Variants in DYNC2H1 observed in about 807,000 individuals in gnomAD.
The protein encoded by DYNC2H1 is cytoplasmic dynein 2 heavy chain 1.
DYNC2H1 carries 410 observed loss-of-function variants against 570.0 expected under a neutral mutation model. The observed-to-expected ratio is 0.72, with a 90% CI of 0.66 to 0.78. The LOEUF is 0.78. Ranked by LOEUF, DYNC2H1 falls within the 30% of genes least tolerant of loss-of-function variation. The pLI, the probability that DYNC2H1 is intolerant of heterozygous loss-of-function variation, is 0.00. For synonymous variants in DYNC2H1, 1,688 were observed against 1,677.6 expected (o/e 1.01, Z -0.15); for missense variants, 4,865 against 5,046.4 (o/e 0.96, Z 1.09).
chr11:103,286,918 A>G (rs1365156941), intron 74 of DYNC2H1, among the ~76,000 whole-genome samples: 1 of 152,182 alleles, frequency 6.6e-6, no homozygotes, highest in Non-Finnish European at 1.5e-5. Context: ...TATACAGTGA[A>G]TTCTATTTCC....
intron 75 of DYNC2H1, among the ~76,000 whole-genome samples, chr11:103,288,684 T>TAAAAAAAAAAAAAA (rs57040929): frequency 1.4e-4 from 4 of 27,914 alleles, no homozygotes; most frequent in African/African-American, 4.8e-4. Context: ...CCGTCTCTAC[T>TAAAAAAAAAAAAAA]AAAAAAAAAA....
rs1866964641 is a variant in DYNC2H1 at position 103,299,561 on chromosome 11, C to A, written c.11096-3532C>A. Among the ~76,000 whole-genome samples, 1 of 152,088 alleles carries A rather than the reference C, an allele frequency of 6.6e-6. No homozygotes were observed. The highest frequency in any genetic ancestry group is 1.5e-5 in the Non-Finnish European group (1 of 67,988). On this transcript the variant is annotated intron_variant, in intron 75 of 88. Coordinates refer to ENST00000375735, the MANE Select transcript of DYNC2H1 (RefSeq NM_001377.3). This position sits in a 1 kb window ranked among gnomAD's most constrained non-coding sequence, Gnocchi z 4.5. ...CTTTTGGATGCCAGTTGGTATCTAG[C>A]CTTCCTCCATCCTTAAAGCCAACAT...
In DYNC2H1 at chr11:103,368,537, A is replaced by G. The variant is rs192442653; in HGVS notation, c.12156+10178A>G. Among the ~76,000 whole-genome samples the G allele has an allele frequency of 4.0e-3, 608 of 152,138 alleles. 8 individuals are homozygous for G. The highest frequency in any genetic ancestry group is 0.025 in the Admixed American group (388 of 15,284). ...TTGCAAATATTTTCTCCCATTCTGT[A>G]GGTTAACTCTTCACTCTGTTAATTG... is the stretch of plus-strand genomic sequence containing the variant. On this transcript the variant is annotated intron_variant, in intron 83 of 88. Transcript: ENST00000375735.
intron 6 of DYNC2H1, 82 bp from the exon 7 acceptor site, chr11:103,120,365 G>C: frequency 8.0e-7 from 1 of 1,253,078 alleles, no homozygotes; most frequent in Non-Finnish European, 1.1e-6. Context: ...AGAAATTCTT[G>C]CCCAATATAT....
intron 82 of DYNC2H1, among the ~76,000 whole-genome samples, chr11:103,346,729 C>T (rs313414): frequency 0.33 from 50,001 of 152,048 alleles, 9,706 homozygotes; most frequent in Non-Finnish European, 0.43. Context: ...ATGTACTTAT[C>T]TTTCCTTTGT....
At chr11:103,302,362 A>T (rs909018931) in intron 75 of DYNC2H1, among the ~76,000 whole-genome samples, 6 of 152,102 alleles carry the variant, frequency 3.9e-5, no homozygotes, top group African/African-American at 1.4e-4. Context: ...ATGAATAAAT[A>T]GAATTTGTTA....
chr11:103,345,642 AT>A (rs1939706207), intron 82 of DYNC2H1, among the ~76,000 whole-genome samples: 2 of 152,276 alleles, frequency 1.3e-5, no homozygotes, highest in South Asian at 4.1e-4. Flanking sequence ...AATAAGGCTG[AT>A]GTGGCTGAAG....
intron 70 of DYNC2H1, among the ~76,000 whole-genome samples, chr11:103,271,389 G>A (rs7101704): frequency 0.24 from 37,006 of 152,050 alleles, 5,046 homozygotes; most frequent in African/African-American, 0.38. Flanking sequence ...GTCTCAAGCA[G>A]TATGTGAATG....
chr11:103,318,426 C>T (rs1937984298), intron 80 of DYNC2H1, among the ~76,000 whole-genome samples: 1 of 152,110 alleles, frequency 6.6e-6, no homozygotes, highest in Non-Finnish European at 1.5e-5. Flanking sequence ...GTTTGGGTTC[C>T]TGTAGTTAAC....
chr11:103,453,839 CGAAA>C (rs1944695468), intron 85 of DYNC2H1, among the ~76,000 whole-genome samples: 1 of 150,782 alleles, frequency 6.6e-6, no homozygotes, highest in Non-Finnish European at 1.5e-5. Context: ...GTTTAGCTAG[CGAAA>C]GAAATTAGCA....
Position 103,129,448 on chromosome 11 carries a change from G to A in DYNC2H1, c.1953+443G>A, listed in dbSNP as rs578149446. 4.3e-4 allele frequency among the ~76,000 whole-genome samples: 66 copies of A among 152,278 alleles called. No individual in the cohort carries two copies. The highest frequency in any genetic ancestry group is 1.3e-3 in the African/African-American group (52 of 41,562). ...CTGTCATCCCAGCACTTTCGAGGCC[G>A]AGGCGGGTGGATCACCTGACATCAG... On this transcript the variant is annotated intron_variant, in intron 13 of 88. Coordinates refer to ENST00000375735, the MANE Select transcript of DYNC2H1 (RefSeq NM_001377.3). This position sits in a 1 kb window ranked among gnomAD's most constrained non-coding sequence, Gnocchi z 4.1.
At chr11:103,175,394 G>A (rs1861760614) in intron 36 of DYNC2H1, among the ~76,000 whole-genome samples, 3 of 152,164 alleles carry the variant, frequency 2.0e-5, no homozygotes, top group Admixed American at 6.6e-5. Context: ...TCTATATTTG[G>A]TGATTTTTAA....
chr11:103,139,289 C>G (rs1163606612), intron 17 of DYNC2H1, among the ~76,000 whole-genome samples: 1 of 150,088 alleles, frequency 6.7e-6, no homozygotes, highest in Non-Finnish European at 1.5e-5. Flanking sequence ...TTTTCTAGTT[C>G]TTTTAATTGT....
chr11:103,440,482 G>A (rs2135765014), intron 85 of DYNC2H1, among the ~76,000 whole-genome samples: 1 of 152,128 alleles, frequency 6.6e-6, no homozygotes. Context: ...ACCAAATCCT[G>A]CCACCCTTCA....
rs1007328668 is a variant in DYNC2H1, at chr11:103,173,031, T to TTTTA, written c.5335-50_5335-47dup. Reference sequence around the variant, plus strand: ...ATAAACGATGCCTATATGTTAAATATTTTAACTTAATATTTAATATTTAAA... The same window carrying TTTTA: ...ATAAACGATGCCTATATGTTAAATATTTTATTTAACTTAATATTTAATATTTAAA... On this transcript the variant is annotated intron_variant, in intron 34 of 88. Transcript: ENST00000375735. The TTTTA allele has an allele frequency of 1.7e-4, 173 of 1,001,466 alleles. No individual in the cohort carries two copies. In the African/African-American group the frequency reaches 2.9e-3, roughly 17 times the overall value. 62.0% of individuals were successfully genotyped at this position (1,001,466 alleles called of 1,614,324 possible).
At position 103,211,960 on chromosome 11, in the gene DYNC2H1, C is replaced by CT. The variant is rs1345930911; in HGVS notation, c.8694+19dup. The CT allele has an allele frequency of 3.3e-6, 5 of 1,493,122 alleles. No individual in the cohort carries two copies. The highest frequency in any genetic ancestry group is 4.5e-6 in the Non-Finnish European group (5 of 1,121,448). The allele number at this position is 1,493,122 out of a possible 1,614,324, so 92.5% of individuals were successfully genotyped here. A position where few individuals can be genotyped will look rare whatever the true frequency, so the allele number is the denominator to read the frequency against. On this transcript the variant is annotated intron_variant, in intron 54 of 88. Coordinates refer to ENST00000375735, the MANE Select transcript of DYNC2H1 (RefSeq NM_001377.3). ...CATTTGCAGGTATAGTATTGGTAAT[C>CT]TTGAATTATTTTATCTATATATAGG...
In DYNC2H1 at chr11:103,228,546, C is replaced by T. The variant is rs982322450; in HGVS notation, c.9354-2714C>T. Among the ~76,000 whole-genome samples the T allele has an allele frequency of 1.3e-5, 2 of 152,180 alleles. No homozygotes were observed. Among genetic ancestry groups the T allele is most frequent in the African/African-American group, 4.8e-5 (2 of 41,446 alleles). On this transcript the variant is annotated intron_variant, in intron 59 of 88. Transcript: ENST00000375735. The surrounding 1 kb of genome is among the most constrained non-coding windows in gnomAD (Gnocchi z 6.1). The stretch of plus-strand genomic sequence containing the variant: ...AGAGTCCTGTGATGTGATCTGTCTT[C>T]AGGTATCTTAGCTGTGGATACCAGC...
intron 29 of DYNC2H1, 31 bp from the exon 30 acceptor site, chr11:103,162,997 T>C: frequency 6.3e-7 from 1 of 1,579,768 alleles, no homozygotes; most frequent in Non-Finnish European, 8.7e-7. Flanking sequence ...TTTTATGTCT[T>C]GTTTATATTA....
Position 103,305,067 on chromosome 11 carries a change from T to G in DYNC2H1, c.11382+347T>G, listed in dbSNP as rs540332244. ...GACATAGTGGGGTGTCAGAGGGAAC[T>G]GCCTAACTTCCTAGGTGCTAAGGAA... is the stretch of plus-strand genomic sequence containing the variant. On this transcript the variant is annotated intron_variant, in intron 77 of 88. Coordinates refer to ENST00000375735, the MANE Select transcript of DYNC2H1 (RefSeq NM_001377.3). The surrounding 1 kb of genome is among the most constrained non-coding windows in gnomAD (Gnocchi z 4.3). Among the ~76,000 whole-genome samples the G allele has an allele frequency of 1.3e-5, 2 of 152,264 alleles. No individual in the cohort carries two copies. Among genetic ancestry groups the G allele is most frequent in the Non-Finnish European group, 2.9e-5 (2 of 68,014 alleles).
Sources: allele counts gnomAD v4.1 joint callset (sites outside exome capture counted in the v4.1 genomes callset), GRCh38; gene constraint gnomAD v4.1.1; non-coding constraint Gnocchi (gnomAD v3.1); transcripts MANE v1.5; gene names NCBI Gene and HGNC (gene_info 2026-07-23, HGNC 2026-07-21).